Variants in RRM1 observed in about 807,000 individuals in gnomAD.
RRM1 encodes the protein ribonucleoside-diphosphate reductase large subunit.
Under a neutral mutation model 101.5 loss-of-function variants are expected in RRM1, and 19 were observed. The observed-to-expected ratio is 0.19, with a 90% CI of 0.13 to 0.27. The LOEUF (loss-of-function observed/expected upper bound fraction) is 0.27. RRM1 is among the 10% of genes least tolerant of loss of function. The pLI is 1.00. For missense variants in RRM1, 500 were observed against 962.9 expected (o/e 0.52, Z 6.36); for synonymous variants, 298 against 323.4 (o/e 0.92, Z 0.84).
intron 12 of RRM1, among the ~76,000 whole-genome samples, chr11:4,123,698 G>T (rs1444653755): frequency 6.6e-6 from 1 of 152,158 alleles, no homozygotes; most frequent in Non-Finnish European, 1.5e-5. Context: ...GTGTTAGGAT[G>T]TACATTCAAT....
At chr11:4,128,730 C>G (rs1424442000) in intron 14 of RRM1, among the ~76,000 whole-genome samples, 1 of 152,060 alleles carries the variant, frequency 6.6e-6, no homozygotes, top group African/African-American at 2.4e-5. Context: ...GTGTTTTTAG[C>G]TAAGTAAACA....
At position 4,112,635 on chromosome 11, in the gene RRM1, ATTG is replaced by A. The variant is rs1450473613; in HGVS notation, c.650+575_650+577del. On this transcript the variant is annotated intron_variant, in intron 7 of 18. Transcript: ENST00000300738. ...CGCCTTGGCCTCCCAAAGTGCTGGGATTGTAGGCATGAGCCACCACGCTTGGTG... is the reference window on the plus strand; with the variant it reads ...CGCCTTGGCCTCCCAAAGTGCTGGGATAGGCATGAGCCACCACGCTTGGTG... Among the ~76,000 whole-genome samples, 69 of 152,336 alleles carry A rather than the reference ATTG, an allele frequency of 4.5e-4. 1 individual carries two copies. Among genetic ancestry groups the A allele is most frequent in the African/African-American group, 1.6e-3 (67 of 41,588 alleles).
intron 7 of RRM1, among the ~76,000 whole-genome samples, chr11:4,116,594 A>C (rs1234871144): frequency 6.6e-6 from 1 of 152,124 alleles, no homozygotes; most frequent in African/African-American, 2.4e-5. Flanking sequence ...TCTGTCTCAA[A>C]AACAACAACA....
chr11:4,118,596 G>T, intron 8 of RRM1, 135 bp downstream of exon 8: 1 of 769,102 alleles, frequency 1.3e-6, no homozygotes, highest in Admixed American at 2.8e-5. Flanking sequence ...GTGACTTGGA[G>T]TGAGTCATTT....
intron 9 of RRM1, 188 bp downstream of exon 9, chr11:4,120,116 G>C (rs367663270): frequency 9.9e-6 from 5 of 505,644 alleles, no homozygotes; most frequent in African/African-American, 1.9e-5. Flanking sequence ...TTTGACAAAT[G>C]TATACACTTG....
chr11:4,123,110 A>T, intron 11 of RRM1, 73 bp from the exon 12 acceptor site: 1 of 1,100,174 alleles, frequency 9.1e-7, no homozygotes, highest in Non-Finnish European at 1.3e-6. Context: ...TTTATATTTT[A>T]ATGTCTTCAA....
At chr11:4,098,620 A>G (rs542160177) in intron 1 of RRM1, among the ~76,000 whole-genome samples, 1 of 152,294 alleles carries the variant, frequency 6.6e-6, no homozygotes, top group South Asian at 2.1e-4. Flanking sequence ...TGATAGGTAA[A>G]GTATAGGCAG....
Position 4,135,268 on chromosome 11 carries a change from C to T in RRM1, c.2188C>T (p.Gln730Ter). The T allele has an allele frequency of 6.2e-7, 1 of 1,600,780 alleles. No individual in the cohort carries two copies. The highest frequency in any genetic ancestry group is 1.3e-5 in the African/African-American group (1 of 74,782). Residue 730 changes from glutamine to a stop codon, truncating the protein, a stop_gained and splice_region_variant, in exon 18 of 19, where the codon CAG becomes TAG. Transcript: ENST00000300738. LOFTEE classifies it high-confidence loss of function. The stretch of plus-strand genomic sequence containing the variant: ...TAGTATGCACTTCTACGGCTGGAAG[C>T]AGGTTGGTAGAGAATATCAAGGAGT... ...LTSMHFYGWKQGLKTGMYYLR... is the reference protein window; with the variant it reads ...LTSMHFYGWK
At chr11:4,113,715 G>T (rs889821207) in intron 7 of RRM1, among the ~76,000 whole-genome samples, 7 of 152,224 alleles carry the variant, frequency 4.6e-5, no homozygotes, top group Non-Finnish European at 7.3e-5. Flanking sequence ...ATGGCCTGTT[G>T]CTGCTCATAG....
At chr11:4,108,226 C>T (rs2094560808) in intron 4 of RRM1, among the ~76,000 whole-genome samples, 1 of 152,122 alleles carries the variant, frequency 6.6e-6, no homozygotes, top group Non-Finnish European at 1.5e-5. Flanking sequence ...AAAGATGTAG[C>T]CTAGCCAGCC....
chr11:4,131,907 A>C (rs1329265863), intron 15 of RRM1, among the ~76,000 whole-genome samples: 1 of 152,216 alleles, frequency 6.6e-6, no homozygotes, highest in East Asian at 1.9e-4. Context: ...AGTGTAACCT[A>C]ATACAGGTGG....
chr11:4,130,422 A>C (rs541436839), intron 15 of RRM1, among the ~76,000 whole-genome samples: 19 of 152,222 alleles, frequency 1.2e-4, no homozygotes, highest in African/African-American at 4.3e-4. Flanking sequence ...TGGGCTGGGC[A>C]CCATGACTCA....
chr11:4,120,013 G>A (rs2094579236), intron 9 of RRM1, 85 bp downstream of exon 9: 1 of 783,668 alleles, frequency 1.3e-6, no homozygotes, highest in African/African-American at 1.7e-5. Flanking sequence ...TTTATGTGTA[G>A]TTTCTAATTA....
intron 1 of RRM1, among the ~76,000 whole-genome samples, chr11:4,101,565 C>CCCCCA (rs77504826): frequency 3.1e-5 from 1 of 32,226 alleles, no homozygotes; most frequent in Non-Finnish European, 1.4e-4. Context: ...CCACACCCCC[C>CCCCCA]CCCGCTCCCT....
chr11:4,117,295 T>C (rs955296149), intron 7 of RRM1, among the ~76,000 whole-genome samples: 1 of 152,220 alleles, frequency 6.6e-6, no homozygotes, highest in African/African-American at 2.4e-5. Context: ...AGGTTCATAT[T>C]CTACAGAAAT....
At chr11:4,108,366 A>G (rs2094561029) in intron 4 of RRM1, among the ~76,000 whole-genome samples, 1 of 152,150 alleles carries the variant, frequency 6.6e-6, no homozygotes, top group Admixed American at 6.6e-5. Context: ...TGAGAGGCTG[A>G]GGCGGGTGGA....
Position 4,118,387 on chromosome 11 carries a change from T to C in RRM1, c.718T>C (p.Leu240=). The part of the protein sequence containing the change: ...GIYDTLKQCA[L]ISKSAGGIGV... ...TTATGACACTCTAAAGCAATGTGCATTGATTTCTAAGTCTGCTGGAGGAAT... is the reference window on the plus strand; with the variant it reads ...TTATGACACTCTAAAGCAATGTGCACTGATTTCTAAGTCTGCTGGAGGAAT... The change falls in exon 8 of 19, where the codon TTG becomes CTG. Residue 240 remains leucine, a synonymous_variant. Coordinates refer to ENST00000300738, the MANE Select transcript of RRM1 (RefSeq NM_001033.5). 1 of 1,614,124 alleles carries C rather than the reference T, an allele frequency of 6.2e-7. No individual in the cohort carries two copies. Among genetic ancestry groups the C allele is most frequent in the Non-Finnish European group, 8.5e-7 (1 of 1,179,980 alleles).
Position 4,138,272 on chromosome 11 carries a change from G to A in RRM1, c.2268G>A (p.Lys756=). Residue 756 remains lysine (K), a synonymous_variant, in exon 19 of 19, where the codon AAG becomes AAA. Transcript: ENST00000300738. The part of the protein sequence containing the change: ...NPIQFTLNKE[K]LKDKEKVSKE... ...TCCAGTTCACTCTAAATAAGGAGAA[G>A]CTAAAAGATAAAGAAAAGGTATCAA... 2 of 1,610,018 alleles carry A rather than the reference G, an allele frequency of 1.2e-6. No individual in the cohort carries two copies. Among genetic ancestry groups the A allele is most frequent in the Non-Finnish European group, 1.7e-6 (2 of 1,176,474 alleles).
Position 4,101,889 on chromosome 11 carries a change from A to T in RRM1, c.20-104A>T, listed in dbSNP as rs11030937. 3,489 of 669,582 alleles carry T rather than the reference A, an allele frequency of 5.2e-3. 98 individuals are homozygous for T. In the African/African-American group the frequency reaches 0.057, roughly 11 times the overall value. The allele number at this position is 669,582 out of a possible 1,614,324, so 41.5% of individuals were successfully genotyped here. ...AATCTTTTCTGTGAAATAGCACTTC[A>T]TGTTGGTCAATTTACATGTTAATTA... On this transcript the variant is annotated intron_variant, in intron 1 of 18. Coordinates refer to ENST00000300738, the MANE Select transcript of RRM1 (RefSeq NM_001033.5).
Sources: allele counts gnomAD v4.1 joint callset (sites outside exome capture counted in the v4.1 genomes callset), GRCh38; gene constraint gnomAD v4.1.1; transcripts MANE v1.5; gene names NCBI Gene and HGNC (gene_info 2026-07-23, HGNC 2026-07-21).